Variants in ZC3H12B observed in about 807,000 individuals in gnomAD.
ZC3H12B encodes probable ribonuclease ZC3H12B.
Under a neutral mutation model 43.9 loss-of-function variants are expected in ZC3H12B, and 7 were observed. That is an observed-to-expected ratio of 0.16 (90% CI 0.09 to 0.30). The LOEUF is 0.30. ZC3H12B is among the 10% of genes least tolerant of loss of function. The pLI is 1.00. For missense variants in ZC3H12B, 475 were observed against 670.2 expected (o/e 0.71, Z 3.22); for synonymous variants, 222 against 241.7 (o/e 0.92, Z 0.76).
intron 3 of ZC3H12B, among the ~76,000 whole-genome samples, chrX:65,454,434 G>C (rs1251276583): frequency 8.9e-6 from 1 of 112,044 alleles, no homozygotes; most frequent in Non-Finnish European, 1.9e-5. Flanking sequence ...GCAGGGGGAG[G>C]GGCGCCCACC....
At chrX:65,103,637 G>A in the ZC3H12B span, among the ~76,000 whole-genome samples, 5 of 111,651 alleles carry the variant, frequency 4.5e-5, no homozygotes, top group East Asian at 2.8e-4. Context: ...AAAGACAGGC[G>A]TAAGAAATTA....
chrX:65,254,697 TC>T, the ZC3H12B span, among the ~76,000 whole-genome samples: 5 of 112,021 alleles, frequency 4.5e-5, no homozygotes, highest in Admixed American at 3.8e-4. Flanking sequence ...GAGCAATGAC[TC>T]TTAACCAGGC....
chrX:65,287,633 T>C, the ZC3H12B span, among the ~76,000 whole-genome samples: 4 of 110,526 alleles, frequency 3.6e-5, no homozygotes, highest in African/African-American at 1.3e-4. Context: ...AAAATGGAAA[T>C]ATTTCAAAAT....
At chrX:65,171,318 G>C in the ZC3H12B span, among the ~76,000 whole-genome samples, 2 of 111,351 alleles carry the variant, frequency 1.8e-5, no homozygotes, top group Non-Finnish European at 3.8e-5. Flanking sequence ...TCCAGACCCT[G>C]TTTTCCTGGG....
At chrX:65,144,995 G>C in the ZC3H12B span, among the ~76,000 whole-genome samples, 17 of 111,827 alleles carry the variant, frequency 1.5e-4, no homozygotes, top group Admixed American at 1.4e-3. Context: ...ATTTGTTCCA[G>C]AGTATAGTTT....
chrX:65,120,235 G>T, the ZC3H12B span, among the ~76,000 whole-genome samples: 1 of 111,680 alleles, frequency 9.0e-6, no homozygotes, highest in Admixed American at 9.5e-5. Context: ...AATTACCTTG[G>T]GCAGTATGGC....
At chrX:65,036,447 TAA>T in the ZC3H12B span, among the ~76,000 whole-genome samples, 5 of 111,595 alleles carry the variant, frequency 4.5e-5, no homozygotes, top group Non-Finnish European at 9.4e-5. Context: ...GCTTTTGAGC[TAA>T]AGATTTTTAA....
chrX:65,358,852 G>A, the ZC3H12B span, among the ~76,000 whole-genome samples: 1 of 111,852 alleles, frequency 8.9e-6, no homozygotes, highest in Non-Finnish European at 1.9e-5. Flanking sequence ...AGACGAAACA[G>A]CCCTGTACTG....
At chrX:65,486,969 G>A (rs2068131129), upstream of ZC3H12B, among the ~76,000 whole-genome samples, 1 of 112,501 alleles carries the variant, frequency 8.9e-6, no homozygotes, top group Admixed American at 9.5e-5. Flanking sequence ...AATGTCCTGT[G>A]TACACTAGAA....
the ZC3H12B span, among the ~76,000 whole-genome samples, chrX:65,114,762 ATTTCCT>A: frequency 9.1e-6 from 1 of 109,552 alleles, no homozygotes; most frequent in East Asian, 2.9e-4. Flanking sequence ...TTTATTTACT[ATTTCCT>A]TTCTTTCACT....
chrX:65,067,721 T>C, the ZC3H12B span, among the ~76,000 whole-genome samples: 3 of 111,902 alleles, frequency 2.7e-5, no homozygotes, highest in African/African-American at 9.7e-5. Flanking sequence ...CTTTTTTTTT[T>C]ATTTCAATTG....
At chrX:65,253,750 C>A in the ZC3H12B span, among the ~76,000 whole-genome samples, 4 of 111,828 alleles carry the variant, frequency 3.6e-5, no homozygotes, top group Admixed American at 3.8e-4. Flanking sequence ...TGCTGGAAGA[C>A]CATGCCTGAC....
At chrX:65,154,217 A>T in the ZC3H12B span, among the ~76,000 whole-genome samples, 1 of 112,065 alleles carries the variant, frequency 8.9e-6, no homozygotes, top group Admixed American at 9.4e-5. Flanking sequence ...GCACCCTAAA[A>T]CTTAAAGTAC....
chrX:65,357,126 C>T, the ZC3H12B span: 2 of 494,549 alleles, frequency 4.0e-6, no homozygotes, highest in South Asian at 5.1e-5. Context: ...GTATATTTGA[C>T]TTCACATGGG....
chrX:65,441,048 A>G (rs1164683522), intron 3 of ZC3H12B, among the ~76,000 whole-genome samples: 2 of 112,115 alleles, frequency 1.8e-5, no homozygotes, highest in Non-Finnish European at 3.8e-5. Context: ...CAGTTCTTTC[A>G]AACCTTGCAA....
At chrX:65,163,338 C>G in the ZC3H12B span, among the ~76,000 whole-genome samples, 1 of 111,581 alleles carries the variant, frequency 9.0e-6, no homozygotes, top group African/African-American at 3.3e-5. Flanking sequence ...GAGGTTACTG[C>G]TGTCTTTTTG....
the ZC3H12B span, chrX:65,272,313 A>G: frequency 9.3e-6 from 1 of 107,125 alleles, no homozygotes; most frequent in African/African-American, 3.8e-5. Context: ...CTCACACAGA[A>G]GTCTCTTCTA....
chrX:65,292,435 A>G, the ZC3H12B span, among the ~76,000 whole-genome samples: 1 of 110,814 alleles, frequency 9.0e-6, no homozygotes, highest in African/African-American at 3.3e-5. Flanking sequence ...ATGAGAACAC[A>G]TGGATACATA....
chrX:65,170,878 G>A, the ZC3H12B span, among the ~76,000 whole-genome samples: 10 of 111,929 alleles, frequency 8.9e-5, no homozygotes, highest in African/African-American at 3.2e-4. Context: ...ATGGTTTTCA[G>A]CTCCATCAGG....
Sources: allele counts gnomAD v4.1 joint callset (sites outside exome capture counted in the v4.1 genomes callset), GRCh38; gene constraint gnomAD v4.1.1; transcripts MANE v1.5; gene names NCBI Gene and HGNC (gene_info 2026-07-23, HGNC 2026-07-21).